Variants in ROR2 observed in about 807,000 individuals in gnomAD.
ROR2 encodes the protein ROR family WNT receptor 2.
A neutral mutation model predicts 74.9 loss-of-function variants in ROR2; 33 were observed. The observed-to-expected ratio is 0.44, with a 90% CI of 0.33 to 0.59. The LOEUF (loss-of-function observed/expected upper bound fraction) is 0.59, where lower values mean the gene tolerates loss of function less well. Ranked by LOEUF, ROR2 falls within the 20% of genes least tolerant of loss-of-function variation. The pLI is 0.02. For missense variants in ROR2, 1,216 were observed against 1,313.8 expected, an observed-to-expected ratio of 0.93 and a Z score of 1.15; for synonymous variants, 586 against 558.7, an observed-to-expected ratio of 1.05 and a Z score of -0.69.
At chr9:91,742,066 G>T (rs1021031624) in intron 4 of ROR2, among the ~76,000 whole-genome samples, 3 of 152,200 alleles carry the variant, frequency 2.0e-5, no homozygotes, top group Non-Finnish European at 4.4e-5. Context: ...GAGCAAAAAG[G>T]AGTTTAATTG....
chr9:91,780,368 C>G (rs1826572242), intron 1 of ROR2, among the ~76,000 whole-genome samples: 1 of 131,944 alleles, frequency 7.6e-6, no homozygotes, highest in Non-Finnish European at 1.5e-5. Flanking sequence ...CAGAGCAAGA[C>G]TCCGTCTAAA....
At chr9:91,872,467 G>T (rs1159248213) in intron 1 of ROR2, among the ~76,000 whole-genome samples, 1 of 152,204 alleles carries the variant, frequency 6.6e-6, no homozygotes, top group African/African-American at 2.4e-5. Context: ...GAATCAGGCA[G>T]TGTTTACACC....
At chr9:91,820,060 T>G (rs1287493367) in intron 1 of ROR2, among the ~76,000 whole-genome samples, 1 of 152,220 alleles carries the variant, frequency 6.6e-6, no homozygotes, top group Non-Finnish European at 1.5e-5. Flanking sequence ...GTCGGGATGG[T>G]GATGAGTCTC....
intron 1 of ROR2, among the ~76,000 whole-genome samples, chr9:91,938,911 G>A (rs962896028): frequency 2.0e-5 from 3 of 152,224 alleles, no homozygotes; most frequent in Non-Finnish European, 4.4e-5. Context: ...CCAAGGAAGA[G>A]CATGAGTATT....
At chr9:91,940,687 T>C (rs1831827065) in intron 1 of ROR2, among the ~76,000 whole-genome samples, 1 of 123,328 alleles carries the variant, frequency 8.1e-6, no homozygotes, top group South Asian at 2.5e-4. Flanking sequence ...CTCTGCCTCC[T>C]GGGTCCAAGT....
intron 1 of ROR2, among the ~76,000 whole-genome samples, chr9:91,795,359 A>G (rs7855609): frequency 0.095 from 14,518 of 152,228 alleles, 1,134 homozygotes; most frequent in East Asian, 0.29. Flanking sequence ...ACAGAAATGT[A>G]TATTTTATGG....
intron 1 of ROR2, among the ~76,000 whole-genome samples, chr9:91,824,148 C>T (rs1325617546): frequency 2.6e-5 from 4 of 152,234 alleles, no homozygotes; most frequent in Non-Finnish European, 4.4e-5. Flanking sequence ...GTAATCATCA[C>T]GACCAGGCCA....
rs1339678672 is a variant in ROR2, at chr9:91,912,871, G to A, written c.97+36996C>T. 2.6e-5 allele frequency among the ~76,000 whole-genome samples: 4 copies of A among 152,326 alleles called. No homozygotes were observed. The East Asian group carries it at 7.7e-4, about 29-fold the overall frequency. ...AGGCCAGGCGTGTTGGCTCACGCCTGTAATCCCAGCACTTTGGGAGGCCGA... is the reference window on the plus strand; with the variant it reads ...AGGCCAGGCGTGTTGGCTCACGCCTATAATCCCAGCACTTTGGGAGGCCGA... On this transcript the variant is annotated intron_variant, in intron 1 of 8. Transcript: ENST00000375708.
At chr9:91,900,488 G>A (rs1162550569) in intron 1 of ROR2, among the ~76,000 whole-genome samples, 1 of 152,248 alleles carries the variant, frequency 6.6e-6, no homozygotes, top group Non-Finnish European at 1.5e-5. Context: ...GAGGGCGCCG[G>A]GCCTGCACGT....
chr9:91,810,412 T>C (rs543948498), intron 1 of ROR2, among the ~76,000 whole-genome samples: 4 of 152,158 alleles, frequency 2.6e-5, no homozygotes, highest in Admixed American at 2.0e-4. Context: ...GATTGACGGG[T>C]GCGGTTTTGC....
chr9:91,943,264 C>T (rs1309918952), intron 1 of ROR2, among the ~76,000 whole-genome samples: 1 of 152,116 alleles, frequency 6.6e-6, no homozygotes, highest in African/African-American at 2.4e-5. Context: ...CTTTAAGATG[C>T]AACAGTATTG....
intron 1 of ROR2, among the ~76,000 whole-genome samples, chr9:91,864,774 T>C (rs1403165629): frequency 6.6e-6 from 1 of 152,212 alleles, no homozygotes; most frequent in Non-Finnish European, 1.5e-5. Flanking sequence ...TAGGTAACTT[T>C]CACCATAACT....
intron 4 of ROR2, among the ~76,000 whole-genome samples, chr9:91,752,668 C>G (rs1825628419): frequency 6.6e-6 from 1 of 152,178 alleles, no homozygotes; most frequent in African/African-American, 2.4e-5. Context: ...GAGATTTATG[C>G]ATTTGTCAGA....
chr9:91,948,765 A>C, intron 1 of ROR2: 1 of 985,430 alleles, frequency 1.0e-6, no homozygotes, highest in Non-Finnish European at 1.2e-6. Context: ...TACTAGTAAG[A>C]AGTGTCTCAC....
At chr9:91,907,134 C>G (rs529530543) in intron 1 of ROR2, among the ~76,000 whole-genome samples, 1 of 152,050 alleles carries the variant, frequency 6.6e-6, no homozygotes, top group African/African-American at 2.4e-5. Context: ...GTATGAAATC[C>G]GTTAAAATAA....
Position 91,726,672 on chromosome 9 carries a change from C to A in ROR2, c.1255G>T (p.Ala419Ser), listed in dbSNP as rs762871988. The A allele has an allele frequency of 1.2e-6, 2 of 1,613,910 alleles. No homozygotes were observed. The highest frequency in any genetic ancestry group is 2.7e-5 in the African/African-American group (2 of 74,936). ...ATGCAAACCAAGAAGAAAAGGCAAG[C>A]GATGACCAGTGGAATTGCGATGCTG... ...VPSIAIPLVI[A>S]CLFFLVCMCR... is the part of the protein sequence containing the mutation. Residue 419 changes from alanine (A) to serine (S), a missense_variant, in exon 8 of 9, where the codon GCT becomes TCT. Physicochemically the swap from Ala to Ser is moderately conservative, Grantham distance 99. Transcript: ENST00000375708.
rs746044696 is a variant in ROR2, at chr9:91,726,763, C to T, written c.1184-20G>A. The stretch of plus-strand genomic sequence containing the variant: ...GGGGACCTGTGAACAATAAGGCTTT[C>T]GTGATTTTTCAGAAAACATCCCTTT... On this transcript the variant is annotated intron_variant, in intron 7 of 8. Transcript: ENST00000375708. 2.1e-5 allele frequency: 34 copies of T among 1,612,474 alleles called. No homozygotes were observed. The highest frequency in any genetic ancestry group is 8.9e-5 in the East Asian group (4 of 44,896).
chr9:91,903,155 A>T (rs1830716830), intron 1 of ROR2, among the ~76,000 whole-genome samples: 2 of 77,422 alleles, frequency 2.6e-5, no homozygotes, highest in South Asian at 4.5e-4. Context: ...AAAAGCAAAT[A>T]AAAAAAATAC....
intron 1 of ROR2, among the ~76,000 whole-genome samples, chr9:91,793,184 T>A (rs1220289194): frequency 2.0e-5 from 3 of 152,158 alleles, no homozygotes; most frequent in Admixed American, 1.3e-4. Context: ...GACAAGCACA[T>A]CTTCCTTGGA....
Sources: allele counts gnomAD v4.1 joint callset (sites outside exome capture counted in the v4.1 genomes callset), GRCh38; gene constraint gnomAD v4.1.1; transcripts MANE v1.5; gene names NCBI Gene and HGNC (gene_info 2026-07-23, HGNC 2026-07-21).